The following ITSN1 variants were observed in gnomAD, a reference collection of about 807,000 sequenced individuals.
ITSN1 encodes intersectin 1.
A neutral mutation model predicts 239.8 loss-of-function variants in ITSN1; 58 were observed. That is an observed-to-expected ratio of 0.24 (90% confidence interval 0.20 to 0.30). The LOEUF (loss-of-function observed/expected upper bound fraction) is 0.30, where lower values mean the gene tolerates loss of function less well. Among genes scored for constraint, ITSN1 ranks in the 10% least tolerant of loss-of-function variants. The pLI is 1.00. For missense variants in ITSN1, 1,558 were observed against 2,103.3 expected (o/e 0.74, Z 5.07); for synonymous variants, 780 against 770.8 (o/e 1.01, Z -0.20).
intron 4 of ITSN1, among the ~76,000 whole-genome samples, chr21:33,734,809 C>T (rs927920826): frequency 6.6e-6 from 1 of 152,164 alleles, no homozygotes; most frequent in African/African-American, 2.4e-5. Flanking sequence ...AATCCTCACA[C>T]TGAGGCTGAA....
At position 33,834,575 on chromosome 21, in the gene ITSN1, T is replaced by C. The variant is rs537421076; in HGVS notation, c.3469+151T>C. On this transcript the variant is annotated intron_variant, in intron 28 of 39. Transcript: ENST00000381318. Reference sequence around the variant, plus strand: ...TGGGACTGACACCCAACTAATGTGATATGGAATATGTCTTTCAAAAGGACC... The same window carrying C: ...TGGGACTGACACCCAACTAATGTGACATGGAATATGTCTTTCAAAAGGACC... The C allele has an allele frequency of 1.1e-5, 7 of 649,260 alleles. No homozygotes were observed. In the African/African-American group the frequency reaches 1.1e-4, roughly 10 times the overall value. The allele number at this position is 649,260 out of a possible 1,614,324, so 40.2% of individuals were successfully genotyped here.
At chr21:33,752,262 C>T (rs561504233) in intron 7 of ITSN1, among the ~76,000 whole-genome samples, 1 of 151,988 alleles carries the variant, frequency 6.6e-6, no homozygotes, top group South Asian at 2.1e-4. Context: ...TTATGATTTA[C>T]AAGTTTATGT....
intron 14 of ITSN1, among the ~76,000 whole-genome samples, chr21:33,778,235 T>C (rs926699331): frequency 2.6e-5 from 4 of 152,190 alleles, no homozygotes; most frequent in Admixed American, 6.5e-5. Context: ...AACAGAGATA[T>C]TGGTTTTTAG....
At chr21:33,713,567 C>T (rs1355763173) in intron 1 of ITSN1, among the ~76,000 whole-genome samples, 1 of 151,934 alleles carries the variant, frequency 6.6e-6, no homozygotes, top group Admixed American at 6.6e-5. Context: ...TTACAAATTA[C>T]TATATTTTTT....
At chr21:33,788,345 A>G (rs1017152182) in intron 16 of ITSN1, among the ~76,000 whole-genome samples, 1 of 152,208 alleles carries the variant, frequency 6.6e-6, no homozygotes, top group Admixed American at 6.5e-5. Flanking sequence ...ATTTTGTGCC[A>G]TGGGAAATAG....
At position 33,837,646 on chromosome 21, in the gene ITSN1, G is replaced by A. The variant is rs555845127; in HGVS notation, c.3661+1014G>A. The A allele has an allele frequency of 9.1e-6, 9 of 985,910 alleles. No homozygotes were observed. The East Asian group carries it at 9.1e-4, about 99-fold the overall frequency. 61.1% of individuals were successfully genotyped at this position (985,910 alleles called of 1,614,324 possible). On this transcript the variant is annotated intron_variant, in intron 29 of 39. Coordinates refer to ENST00000381318, the MANE Select transcript of ITSN1 (RefSeq NM_003024.3). ...GTGTGTATCAGCTGTACCTTGTTGAGCATGTAATACATCCTGTACATAAGA... is the reference window on the plus strand; with the variant it reads ...GTGTGTATCAGCTGTACCTTGTTGAACATGTAATACATCCTGTACATAAGA...
rs547760837 is a variant in ITSN1, at chr21:33,710,093, T to C, written c.-32-8704T>C. On this transcript the variant is annotated intron_variant, in intron 1 of 39. Coordinates refer to ENST00000381318, the MANE Select transcript of ITSN1 (RefSeq NM_003024.3). Reference sequence around the variant, plus strand: ...GGCATTTTTTTTTGTTTTTTTTTTTTTTTGAGACAGAGTCTCGCTTTGTCA... The same window carrying C: ...GGCATTTTTTTTTGTTTTTTTTTTTCTTTGAGACAGAGTCTCGCTTTGTCA... Among the ~76,000 whole-genome samples the C allele has an allele frequency of 4.0e-5, 6 of 151,566 alleles. No individual in the cohort carries two copies. In the South Asian group the frequency reaches 6.3e-4, roughly 16 times the overall value.
At chr21:33,803,515 A>C (rs1474418507) in intron 20 of ITSN1, among the ~76,000 whole-genome samples, 1 of 152,242 alleles carries the variant, frequency 6.6e-6, no homozygotes, top group African/African-American at 2.4e-5. Context: ...ATATACACAT[A>C]AGATTTCCAT....
intron 10 of ITSN1, among the ~76,000 whole-genome samples, 176 bp downstream of exon 10, chr21:33,766,188 A>G (rs751770583): frequency 6.6e-6 from 1 of 152,212 alleles, no homozygotes; most frequent in Non-Finnish European, 1.5e-5. Context: ...TTGTTCTTCA[A>G]AGTACTTGAA....
chr21:33,776,398 A>AC (rs1206423033), intron 14 of ITSN1, among the ~76,000 whole-genome samples: 1 of 151,650 alleles, frequency 6.6e-6, no homozygotes, highest in Non-Finnish European at 1.5e-5. Flanking sequence ...AAAAAAAAAA[A>AC]AAAAAACTTA....
At position 33,894,447 on chromosome 21, in the gene ITSN1, C is replaced by G. The variant is rs1446467764; in HGVS notation, c.*6147C>G. 2.0e-5 allele frequency: 3 copies of G among 151,306 alleles called. No homozygotes were observed. The highest frequency in any genetic ancestry group is 7.3e-5 in the African/African-American group (3 of 41,148). 9.4% of individuals were successfully genotyped at this position (151,306 alleles called of 1,614,324 possible). ...TAGGATTCTGTTCGATTTTCTATAC[C>G]AGCCTATATTGTTACTATCATCTGC... On this transcript the variant is annotated 3_prime_UTR_variant, in exon 40 of 40. Coordinates refer to ENST00000381318, the MANE Select transcript of ITSN1 (RefSeq NM_003024.3).
intron 26 of ITSN1, 94 bp downstream of exon 26, chr21:33,826,957 T>TA: frequency 9.9e-7 from 1 of 1,009,038 alleles, no homozygotes; most frequent in South Asian, 1.3e-5. Context: ...AAGCCTAAAA[T>TA]AAAAAGAATC....
In ITSN1 at chr21:33,797,691, A is replaced by AG. The variant is rs1457548586; in HGVS notation, c.2182+83_2182+84insG. On this transcript the variant is annotated intron_variant, in intron 18 of 39. Coordinates refer to ENST00000381318, the MANE Select transcript of ITSN1 (RefSeq NM_003024.3). The surrounding 1 kb of genome is among the most constrained non-coding windows in gnomAD (Gnocchi z 4.9). ...TGAAAAATGCCCCTATCTCATCAGT[A>AG]CCTGTCTTGGCTACATTAACAGATG... 32 of 1,044,374 alleles carry AG rather than the reference A, an allele frequency of 3.1e-5. No homozygotes were observed. The highest frequency in any genetic ancestry group is 4.6e-5 in the Non-Finnish European group (32 of 700,096). 64.7% of individuals were successfully genotyped at this position (1,044,374 alleles called of 1,614,324 possible). A position where few individuals can be genotyped will look rare whatever the true frequency, so the allele number is the denominator to read the frequency against.
chr21:33,771,769 A>G (rs1243340670), intron 11 of ITSN1, among the ~76,000 whole-genome samples: 1 of 152,158 alleles, frequency 6.6e-6, no homozygotes, highest in Non-Finnish European at 1.5e-5. Context: ...GGGCAAGCTC[A>G]TGGGAAGAAG....
chr21:33,838,116 A>G, intron 29 of ITSN1: 1 of 984,922 alleles, frequency 1.0e-6, no homozygotes, highest in South Asian at 4.7e-5. Context: ...TGTGTTAGAT[A>G]TGCTGTAGCT....
rs994030742 is a variant in ITSN1, at chr21:33,894,686, A to C, written c.*6386A>C. The C allele has an allele frequency of 1.3e-5, 2 of 152,220 alleles. No homozygotes were observed. Among genetic ancestry groups the C allele is most frequent in the Non-Finnish European group, 2.9e-5 (2 of 68,040 alleles). The allele number at this position is 152,220 out of a possible 1,614,324, so 9.4% of individuals were successfully genotyped here. On this transcript the variant is annotated 3_prime_UTR_variant, in exon 40 of 40. Coordinates refer to ENST00000381318, the MANE Select transcript of ITSN1 (RefSeq NM_003024.3). ...TATACTTTTATCTTTTGAAAGAATA[A>C]CATTCCTGTGCGACTCTGCTTCTCT...
intron 8 of ITSN1, 88 bp downstream of exon 8, chr21:33,755,485 C>T: frequency 1.4e-6 from 1 of 705,942 alleles, no homozygotes; most frequent in Non-Finnish European, 2.3e-6. Context: ...TTTTCCATGT[C>T]TGTGTGCTTA....
chr21:33,873,177 G>A (rs1403084651), intron 33 of ITSN1, among the ~76,000 whole-genome samples: 2 of 152,168 alleles, frequency 1.3e-5, no homozygotes, highest in African/African-American at 4.8e-5. Flanking sequence ...ATTGATTTGT[G>A]GACTCACAAG....
rs1452140357 is a variant in ITSN1 at position 33,891,321 on chromosome 21, C to G, written c.*3021C>G. ...TGTCCTCTGATAGCAGAGGAAAGAG[C>G]TCTGCTCCCAAAGAACATTCATGTA... On this transcript the variant is annotated 3_prime_UTR_variant, in exon 40 of 40. Coordinates refer to ENST00000381318, the MANE Select transcript of ITSN1 (RefSeq NM_003024.3). The G allele has an allele frequency of 6.6e-6, 1 of 152,220 alleles. No homozygotes were observed. The highest frequency in any genetic ancestry group is 1.5e-5 in the Non-Finnish European group (1 of 68,048). The allele number at this position is 152,220 out of a possible 1,614,324, so 9.4% of individuals were successfully genotyped here.
Sources: allele counts gnomAD v4.1 joint callset (sites outside exome capture counted in the v4.1 genomes callset), GRCh38; gene constraint gnomAD v4.1.1; non-coding constraint Gnocchi (gnomAD v3.1); transcripts MANE v1.5; gene names NCBI Gene and HGNC (gene_info 2026-07-23, HGNC 2026-07-21).